Variants in VGLL3 observed in about 807,000 individuals in gnomAD.
VGLL3 encodes vestigial like family member 3.
VGLL3 carries 18 observed loss-of-function variants against 29.2 expected under a neutral mutation model. That is an observed-to-expected ratio of 0.62 (90% CI 0.43 to 0.91). The LOEUF is 0.91. VGLL3 is among the 40% of genes least tolerant of loss of function. The pLI is 0.00. For synonymous variants in VGLL3, 180 were observed against 151.8 expected (o/e 1.19, Z -1.36); for missense variants, 440 against 413.2 (o/e 1.06, Z -0.56).
chr3:86,988,677 A>AGGGG (rs1559736706), intron 1 of VGLL3, among the ~76,000 whole-genome samples: 2 of 135,654 alleles, frequency 1.5e-5, no homozygotes, highest in African/African-American at 5.7e-5. Flanking sequence ...AAAAAAAAAA[A>AGGGG]AAAAAAAAGA....
chr3:86,988,640 CAAAAAAAAAAAAAAAAAAAAAAAAAAAAA>C (rs869098443), intron 1 of VGLL3, among the ~76,000 whole-genome samples: 5 of 13,756 alleles, frequency 3.6e-4, no homozygotes, highest in East Asian at 1.5e-3. Flanking sequence ...TTTACTTGAC[CAAAAAAAAAAAAAAAAAAAAAAAAAAAAA>C]AAAAAAAAAA....
intron 2 of VGLL3, among the ~76,000 whole-genome samples, chr3:86,969,830 A>G (rs1214140064): frequency 1.3e-5 from 2 of 152,110 alleles, no homozygotes; most frequent in Non-Finnish European, 2.9e-5. Flanking sequence ...ATAATCTCAT[A>G]GGAGTTTCAT....
chr3:86,976,572 A>G lies in VGLL3; in HGVS notation c.403+1954T>C, dbSNP rs75887763. Among the ~76,000 whole-genome samples, 498 of 152,356 alleles carry G rather than the reference A, an allele frequency of 3.3e-3. 3 individuals are homozygous for G. The highest frequency in any genetic ancestry group is 0.011 in the African/African-American group (448 of 41,588). ...TTCCAAGAAAACTTTAGTAGTAGTT[A>G]TGAAAACATTGCCTTTATTAACCCT... On this transcript the variant is annotated intron_variant, in intron 2 of 3. Transcript: ENST00000398399.
rs541365301 is a variant in VGLL3, at chr3:86,940,520, G to A, written c.*6504C>T. 8 of 152,618 alleles carry A rather than the reference G, an allele frequency of 5.2e-5. No homozygotes were observed. In the South Asian group the frequency reaches 1.5e-3, roughly 28 times the overall value. The allele number at this position is 152,618 out of a possible 1,614,324, so 9.5% of individuals were successfully genotyped here. ...CTTAATTAATAACACCTAAGATGTT[G>A]TAATTTCCAAAATATTTATAAGATG... On this transcript the variant is annotated 3_prime_UTR_variant, in exon 4 of 4. Coordinates refer to ENST00000398399, the MANE Select transcript of VGLL3 (RefSeq NM_016206.4).
chr3:86,974,929 C>T (rs924909792), intron 2 of VGLL3, among the ~76,000 whole-genome samples: 1 of 152,080 alleles, frequency 6.6e-6, no homozygotes, highest in Non-Finnish European at 1.5e-5. Context: ...GGTTTGTTTT[C>T]TATGTGTCAA....
At chr3:86,962,681 T>C in intron 3 of VGLL3, 3 of 842,228 alleles carry the variant, frequency 3.6e-6, no homozygotes, top group Non-Finnish European at 4.3e-6. Context: ...GTTCTACTCC[T>C]AGATATATTT....
At chr3:86,986,056 CACAT>C (rs1352981320) in intron 1 of VGLL3, among the ~76,000 whole-genome samples, 3 of 92,934 alleles carry the variant, frequency 3.2e-5, no homozygotes, top group Non-Finnish European at 9.2e-5. Flanking sequence ...TACACACACA[CACAT>C]ATATACACAC....
intron 1 of VGLL3, among the ~76,000 whole-genome samples, chr3:86,989,560 C>T (rs1365825379): frequency 6.6e-6 from 1 of 152,044 alleles, no homozygotes; most frequent in Non-Finnish European, 1.5e-5. Flanking sequence ...ATTAACAGCC[C>T]AAACCTAAGA....
chr3:86,971,277 G>A (rs911229672), intron 2 of VGLL3, among the ~76,000 whole-genome samples: 9 of 152,176 alleles, frequency 5.9e-5, no homozygotes, highest in South Asian at 2.1e-4. Flanking sequence ...TTACTGTGGT[G>A]TGTGAACATT....
In VGLL3 at chr3:86,940,985, T is replaced by C. The variant is rs1401492895; in HGVS notation, c.*6039A>G. The C allele has an allele frequency of 1.3e-5, 2 of 152,432 alleles. No individual in the cohort carries two copies. Among genetic ancestry groups the C allele is most frequent in the Admixed American group, 6.6e-5 (1 of 15,250 alleles). The allele number at this position is 152,432 out of a possible 1,614,324, so 9.4% of individuals were successfully genotyped here. A position where few individuals can be genotyped will look rare whatever the true frequency, so the allele number is the denominator to read the frequency against. On this transcript the variant is annotated 3_prime_UTR_variant, in exon 4 of 4. Transcript: ENST00000398399. ...GGTATTTCAATGCAGTAAAATAATATTTCTATTGTTAGTTTTCAGTTTACC... is the reference window on the plus strand; with the variant it reads ...GGTATTTCAATGCAGTAAAATAATACTTCTATTGTTAGTTTTCAGTTTACC...
chr3:86,978,836 A>C (rs776306531), intron 1 of VGLL3, 34 bp from the exon 2 acceptor site: 1 of 1,534,422 alleles, frequency 6.5e-7, no homozygotes, highest in East Asian at 2.3e-5. Flanking sequence ...AGTATCAAAG[A>C]CAGTTTGTAG....
intron 1 of VGLL3, among the ~76,000 whole-genome samples, chr3:86,983,647 G>A (rs1225727775): frequency 2.0e-5 from 3 of 152,032 alleles, no homozygotes; most frequent in African/African-American, 4.8e-5. Flanking sequence ...CAGCCTCCCA[G>A]AAGTGTTGGG....
At chr3:86,983,670 A>C (rs1705376649) in intron 1 of VGLL3, among the ~76,000 whole-genome samples, 2 of 152,158 alleles carry the variant, frequency 1.3e-5, no homozygotes, top group Admixed American at 6.5e-5. Context: ...TACAGGCATG[A>C]GCCACCGTGC....
chr3:86,974,725 C>T (rs1328548622), intron 2 of VGLL3, among the ~76,000 whole-genome samples: 1 of 152,184 alleles, frequency 6.6e-6, no homozygotes, highest in African/African-American at 2.4e-5. Context: ...CATGGTAGCA[C>T]TTCTGTGGCA....
At position 86,939,625 on chromosome 3, in the gene VGLL3, A is replaced by G. The variant is rs1328920306; in HGVS notation, c.*7399T>C. ...GACGACAGAGCAAGACTCCATCAAA[A>G]CAAAACAAAACAAAACAAAACAAAA... On this transcript the variant is annotated 3_prime_UTR_variant, in exon 4 of 4. Coordinates refer to ENST00000398399, the MANE Select transcript of VGLL3 (RefSeq NM_016206.4). 6.5e-6 allele frequency: 1 copy of G among 152,854 alleles called. No individual in the cohort carries two copies. Among genetic ancestry groups the G allele is most frequent in the South Asian group, 2.1e-4 (1 of 4,832 alleles). The allele number at this position is 152,854 out of a possible 1,614,324, so 9.5% of individuals were successfully genotyped here.
chr3:86,971,552 G>T (rs1196858305), intron 2 of VGLL3, among the ~76,000 whole-genome samples: 2 of 152,180 alleles, frequency 1.3e-5, no homozygotes, highest in Non-Finnish European at 2.9e-5. Flanking sequence ...TTAATTGAAT[G>T]ACTTTGTTAA....
chr3:86,969,161 G>A, intron 2 of VGLL3, 38 bp from the exon 3 acceptor site: 1 of 1,525,142 alleles, frequency 6.6e-7, no homozygotes, highest in South Asian at 1.3e-5. Context: ...ATTAACATAA[G>A]ACTCAGTTTT....
At position 86,940,885 on chromosome 3, in the gene VGLL3, G is replaced by T. The variant is rs972407648; in HGVS notation, c.*6139C>A. ...AGTTAAAAATGACAGCATAACTAAG[G>T]TTAATTTTTATTTCTGGAAACACAA... On this transcript the variant is annotated 3_prime_UTR_variant, in exon 4 of 4. Coordinates refer to ENST00000398399, the MANE Select transcript of VGLL3 (RefSeq NM_016206.4). 2.6e-5 allele frequency: 4 copies of T among 152,206 alleles called. No individual in the cohort carries two copies. The highest frequency in any genetic ancestry group is 5.9e-5 in the Non-Finnish European group (4 of 67,866). The allele number at this position is 152,206 out of a possible 1,614,324, so 9.4% of individuals were successfully genotyped here. A position where few individuals can be genotyped will look rare whatever the true frequency, so the allele number is the denominator to read the frequency against.
intron 2 of VGLL3, among the ~76,000 whole-genome samples, chr3:86,974,805 G>A (rs1407970403): frequency 6.6e-6 from 1 of 152,070 alleles, no homozygotes; most frequent in African/African-American, 2.4e-5. Context: ...AAGCATCATT[G>A]CCATGGCCAC....
Sources: gnomAD v4.1 joint callset for allele counts (sites outside exome capture counted in the v4.1 genomes callset) on GRCh38, gnomAD v4.1.1 for gene constraint, MANE v1.5 for transcripts, NCBI Gene and HGNC (gene_info 2026-07-23, HGNC 2026-07-21) for gene names.